HEXB: variants seen among roughly 807,000 people sequenced by gnomAD.
The protein encoded by HEXB is hexosaminidase subunit beta.
In HEXB, 51 loss-of-function variants were observed where a neutral mutation model predicts 71.2. That is an observed-to-expected ratio of 0.72 (90% CI 0.57 to 0.90). The LOEUF (loss-of-function observed/expected upper bound fraction) is 0.90, where lower values mean the gene tolerates loss of function less well. HEXB is among the 40% of genes least tolerant of loss of function. The pLI, the probability that HEXB is intolerant of heterozygous loss-of-function variation, is 0.00. For synonymous variants in HEXB, 266 were observed against 249.3 expected, an observed-to-expected ratio of 1.07 and a Z score of -0.63; for missense variants, 617 against 677.0, an observed-to-expected ratio of 0.91 and a Z score of 0.98.
chr5:74,687,129 A>C (rs1580378299), intron 1 of HEXB, among the ~76,000 whole-genome samples: 1 of 152,228 alleles, frequency 6.6e-6, no homozygotes, highest in Non-Finnish European at 1.5e-5. Flanking sequence ...GCAGCCATTA[A>C]TTATGCCTGG....
chr5:74,654,159 A>G (rs907863055), intron 1 of HEXB, among the ~76,000 whole-genome samples: 2 of 152,094 alleles, frequency 1.3e-5, no homozygotes, highest in African/African-American at 4.8e-5. Context: ...GTGAGGAGCC[A>G]ATGCATCTCT....
In HEXB at chr5:74,641,289, G is replaced by A. The variant is rs3756440; in HGVS notation, c.-377+731G>A. On this transcript the variant is annotated intron_variant, in intron 1 of 13. Coordinates refer to the HEXB transcript ENST00000511181. The surrounding 1 kb of genome is among the most constrained non-coding windows in gnomAD (Gnocchi z 4.1). Reference sequence around the variant, plus strand: ...GACGGGCAAAAGTCTGGACAGTTTAGGGACACTCGGGTTGAGCAAGCCAGG... The same window carrying A: ...GACGGGCAAAAGTCTGGACAGTTTAAGGACACTCGGGTTGAGCAAGCCAGG... 1 of 152,500 alleles carries A rather than the reference G, an allele frequency of 6.6e-6. No homozygotes were observed. Among genetic ancestry groups the A allele is most frequent in the Non-Finnish European group, 1.5e-5 (1 of 68,282 alleles). 9.4% of individuals were successfully genotyped at this position (152,500 alleles called of 1,614,324 possible). A position where few individuals can be genotyped will look rare whatever the true frequency, so the allele number is the denominator to read the frequency against.
intron 1 of HEXB, among the ~76,000 whole-genome samples, chr5:74,667,665 G>C (rs1342397627): frequency 6.6e-6 from 1 of 152,178 alleles, no homozygotes; most frequent in African/African-American, 2.4e-5. Context: ...TGGGCTTGCT[G>C]GGTTTGCTTG....
At chr5:74,695,500 G>C (rs1429820645) in intron 3 of HEXB, among the ~76,000 whole-genome samples, 1 of 150,132 alleles carries the variant, frequency 6.7e-6, no homozygotes, top group Non-Finnish European at 1.5e-5. Context: ...ACTGCGCCCA[G>C]CCAAGAGACG....
intron 6 of HEXB, among the ~76,000 whole-genome samples, chr5:74,708,951 A>G (rs1356509004): frequency 6.6e-6 from 1 of 152,210 alleles, no homozygotes; most frequent in Non-Finnish European, 1.5e-5. Context: ...CCTAATAGAC[A>G]TCTACAGAAC....
At chr5:74,713,954 C>G (rs1749614186) in intron 7 of HEXB, among the ~76,000 whole-genome samples, 1 of 152,226 alleles carries the variant, frequency 6.6e-6, no homozygotes, top group Admixed American at 6.5e-5. Flanking sequence ...GATTCTCCTG[C>G]CTCAGCCTAC....
intron 1 of HEXB, among the ~76,000 whole-genome samples, chr5:74,670,048 T>G (rs558310767): frequency 6.6e-6 from 1 of 152,092 alleles, no homozygotes; most frequent in Non-Finnish European, 1.5e-5. Flanking sequence ...CAAAGAGAGT[T>G]TGAAGCCTGA....
At chr5:74,649,575 C>G (rs535640646) in intron 1 of HEXB, among the ~76,000 whole-genome samples, 9 of 152,316 alleles carry the variant, frequency 5.9e-5, no homozygotes, top group African/African-American at 2.2e-4. Flanking sequence ...CTTTTCTGTT[C>G]TCTGGAATGC....
Position 74,641,209 on chromosome 5 carries a change from C to G in HEXB, c.-377+651C>G, listed in dbSNP as rs994245940. 2 of 152,566 alleles carry G rather than the reference C, an allele frequency of 1.3e-5. No homozygotes were observed. Among genetic ancestry groups the G allele is most frequent in the Non-Finnish European group, 2.9e-5 (2 of 68,358 alleles). The allele number at this position is 152,566 out of a possible 1,614,324, so 9.5% of individuals were successfully genotyped here. On this transcript the variant is annotated intron_variant, in intron 1 of 13. Coordinates refer to the HEXB transcript ENST00000511181. The surrounding 1 kb of genome is among the most constrained non-coding windows in gnomAD (Gnocchi z 4.1). ...GTATCCGCAGGACAGGCCCTGGGCA[C>G]GCATAGACAGCGCCTTGGGTAGGAC...
At chr5:74,643,147 G>A (rs766709521) in intron 1 of HEXB, among the ~76,000 whole-genome samples, 5 of 152,166 alleles carry the variant, frequency 3.3e-5, no homozygotes, top group Non-Finnish European at 7.3e-5. Flanking sequence ...ACTGTACTCT[G>A]GTTTGCTTGA....
intron 1 of HEXB, among the ~76,000 whole-genome samples, chr5:74,647,575 T>C (rs1252765116): frequency 6.6e-6 from 1 of 152,212 alleles, no homozygotes; most frequent in Non-Finnish European, 1.5e-5. Context: ...CTCATGATTT[T>C]GAAAACACGA....
intron 2 of HEXB, among the ~76,000 whole-genome samples, chr5:74,692,394 G>C (rs923601704): frequency 6.6e-6 from 1 of 151,168 alleles, no homozygotes; most frequent in South Asian, 2.1e-4. Context: ...CATGCCTACA[G>C]TCCCAGCTAC....
rs1197449920 is a variant in HEXB, at chr5:74,705,256, G to A, written c.707G>A (p.Trp236Ter). The change falls in exon 6 of 14, where the codon TGG becomes TAG. Residue 236 changes from tryptophan (W) to a stop codon, truncating the protein, a stop_gained. Coordinates refer to ENST00000261416, the MANE Select transcript of HEXB (RefSeq NM_000521.4). LOFTEE classifies it high-confidence loss of function. The stretch of plus-strand genomic sequence containing the variant: ...TTTAATAAGTTTAATGTTCTTCACT[G>A]GCACATAGTTGATGACCAGTCTTTC... ...MAFNKFNVLHWHIVDDQSFPY... is the reference protein window; with the variant it reads ...MAFNKFNVLH The A allele has an allele frequency of 1.2e-6, 2 of 1,612,318 alleles. No homozygotes were observed. Among genetic ancestry groups the A allele is most frequent in the Non-Finnish European group, 1.7e-6 (2 of 1,178,514 alleles).
At chr5:74,690,633 C>T (rs777150375) in intron 2 of HEXB, among the ~76,000 whole-genome samples, 2 of 106,824 alleles carry the variant, frequency 1.9e-5, no homozygotes, top group Non-Finnish European at 3.5e-5. Context: ...GCCTGGGGGA[C>T]AGAGTGAGAC....
chr5:74,715,228 T>A (rs1227983104), intron 7 of HEXB, among the ~76,000 whole-genome samples: 1 of 152,190 alleles, frequency 6.6e-6, no homozygotes, highest in Admixed American at 6.5e-5. Flanking sequence ...GAAATATGAA[T>A]TGAAGCTCAA....
At chr5:74,696,343 T>C (rs748578180) in intron 3 of HEXB, among the ~76,000 whole-genome samples, 1 of 152,238 alleles carries the variant, frequency 6.6e-6, no homozygotes, top group African/African-American at 2.4e-5. Flanking sequence ...TATTTGATTA[T>C]AAAAATTCTT....
At chr5:74,711,923 A>T (rs1467930284) in intron 6 of HEXB, among the ~76,000 whole-genome samples, 3 of 150,182 alleles carry the variant, frequency 2.0e-5, no homozygotes, top group Non-Finnish European at 3.0e-5. Context: ...CAGCCATCCC[A>T]TTACTGGGTA....
intron 1 of HEXB, among the ~76,000 whole-genome samples, chr5:74,660,132 G>T (rs548413273): frequency 7.4e-4 from 113 of 152,280 alleles, no homozygotes; most frequent in African/African-American, 2.7e-3. Context: ...GGACAGTGGG[G>T]TGCAGGGACT....
At chr5:74,676,771 G>C (rs1041196276) in intron 1 of HEXB, among the ~76,000 whole-genome samples, 1 of 152,040 alleles carries the variant, frequency 6.6e-6, no homozygotes, top group Non-Finnish European at 1.5e-5. Context: ...TCAAAAAAAA[G>C]GGGAGCGGTG....
Sources: allele counts gnomAD v4.1 joint callset (sites outside exome capture counted in the v4.1 genomes callset), GRCh38; gene constraint gnomAD v4.1.1; non-coding constraint Gnocchi (gnomAD v3.1); transcripts MANE v1.5; gene names NCBI Gene and HGNC (gene_info 2026-07-23, HGNC 2026-07-21).